Variants in TMEM132E observed in about 807,000 individuals in gnomAD.
The protein encoded by TMEM132E is transmembrane protein 132E.
A neutral mutation model predicts 78.5 loss-of-function variants in TMEM132E; 49 were observed. The ratio of observed to expected loss-of-function variants is 0.62; its 90% confidence interval spans 0.50 to 0.79. The LOEUF is 0.79. Among genes scored for constraint, TMEM132E ranks in the 30% least tolerant of loss-of-function variants. The pLI is 0.00. For synonymous variants in TMEM132E, 715 were observed against 670.6 expected (o/e 1.07, Z -1.02); for missense variants, 1,403 against 1,470.9 (o/e 0.95, Z 0.75).
chr17:34,597,469 C>T (rs1906099291), intron 1 of TMEM132E, among the ~76,000 whole-genome samples: 1 of 152,206 alleles, frequency 6.6e-6, no homozygotes, highest in Non-Finnish European at 1.5e-5. Flanking sequence ...TTCATTCATT[C>T]ATTCAATTCT....
intron 1 of TMEM132E, among the ~76,000 whole-genome samples, chr17:34,598,598 A>C (rs1203072169): frequency 2.0e-5 from 3 of 152,322 alleles, no homozygotes; most frequent in Non-Finnish European, 4.4e-5. Context: ...ATTGTTCCAG[A>C]TGAGATAAAG....
chr17:34,586,339 T>C (rs1905677968), intron 1 of TMEM132E, among the ~76,000 whole-genome samples: 2 of 152,184 alleles, frequency 1.3e-5, no homozygotes, highest in Non-Finnish European at 2.9e-5. Flanking sequence ...TTTTTCCTTC[T>C]CTGTCTTCTT....
At position 34,637,393 on chromosome 17, in the gene TMEM132E, A is replaced by G; in HGVS notation, c.2386A>G (p.Thr796Ala). The change falls in exon 9 of 9, where the codon ACC becomes GCC. Residue 796 changes from threonine (T) to alanine (A), a missense_variant. Transcript: ENST00000631683. Reference sequence around the variant, plus strand: ...AACCATCGCTGAGAGCTGCCAGAAAACCAAACGCAAGAGTGTGCTCGCCAC... The same window carrying G: ...AACCATCGCTGAGAGCTGCCAGAAAGCCAAACGCAAGAGTGTGCTCGCCAC... The part of the protein sequence containing the change: ...ELTIAESCQK[T>A]KRKSVLATTP... 1 of 1,613,854 alleles carries G rather than the reference A, an allele frequency of 6.2e-7. No homozygotes were observed. The highest frequency in any genetic ancestry group is 1.1e-5 in the South Asian group (1 of 91,084).
intron 1 of TMEM132E, among the ~76,000 whole-genome samples, chr17:34,613,205 A>ACGCGCG (rs1238614267): frequency 8.7e-5 from 9 of 103,596 alleles, no homozygotes; most frequent in Admixed American, 2.4e-4. Flanking sequence ...ACCCACACAC[A>ACGCGCG]CACACACGCG....
intron 1 of TMEM132E, among the ~76,000 whole-genome samples, chr17:34,597,884 C>T (rs1490328670): frequency 6.6e-6 from 1 of 152,174 alleles, no homozygotes. Context: ...GACCTCAATC[C>T]TAGCAGCTCA....
At chr17:34,615,763 G>A (rs1012943003) in intron 1 of TMEM132E, among the ~76,000 whole-genome samples, 3 of 151,938 alleles carry the variant, frequency 2.0e-5, no homozygotes, top group African/African-American at 7.3e-5. Context: ...ATAGGAGAGA[G>A]GGGAGTCGGT....
chr17:34,629,981 A>G, intron 4 of TMEM132E, 27 bp from the exon 5 acceptor site: 3 of 1,582,554 alleles, frequency 1.9e-6, no homozygotes, highest in Non-Finnish European at 2.6e-6. Flanking sequence ...GACCACAAGT[A>G]GAGCCCCCCC....
At chr17:34,586,820 G>A (rs1263181642) in intron 1 of TMEM132E, among the ~76,000 whole-genome samples, 1 of 151,852 alleles carries the variant, frequency 6.6e-6, no homozygotes, top group Non-Finnish European at 1.5e-5. Context: ...AAAAAAAAAG[G>A]GAAGTAGAAA....
intron 1 of TMEM132E, among the ~76,000 whole-genome samples, chr17:34,590,747 A>G (rs1905841512): frequency 6.6e-6 from 1 of 152,210 alleles, no homozygotes; most frequent in Non-Finnish European, 1.5e-5. Context: ...GGTGATCTTT[A>G]AAGACTTTGG....
chr17:34,615,590 TTCAC>T (rs967352424), intron 1 of TMEM132E, among the ~76,000 whole-genome samples: 5 of 150,322 alleles, frequency 3.3e-5, no homozygotes, highest in African/African-American at 1.2e-4. Flanking sequence ...CAGTCATTCC[TTCAC>T]TCACTCATTC....
At chr17:34,615,517 A>ATATGTGTG (rs1555563514) in intron 1 of TMEM132E, among the ~76,000 whole-genome samples, 1 of 140,770 alleles carries the variant, frequency 7.1e-6, no homozygotes, top group Non-Finnish European at 1.5e-5. Context: ...ACTGGCACAG[A>ATATGTGTG]TGTGTGTGTG....
chr17:34,632,816 T>C lies in TMEM132E; in HGVS notation c.1595T>C (p.Val532Ala). The C allele has an allele frequency of 6.2e-7, 1 of 1,614,168 alleles. No individual in the cohort carries two copies. Among genetic ancestry groups the C allele is most frequent in the Non-Finnish European group, 8.5e-7 (1 of 1,180,030 alleles). ...CTCAATGCTCCCCTGGAAATGACAG[T>C]CTGGGTCCCCAAGCTGCCCTTGCAC... ...DVLNAPLEMT[V>A]WVPKLPLHIE... is the part of the protein sequence containing the mutation. Residue 532 changes from valine to alanine, a missense_variant, in exon 6 of 9, where the codon GTC (valine) becomes GCC (alanine). Coordinates refer to ENST00000631683, the MANE Select transcript of TMEM132E (RefSeq NM_001304438.2).
intron 1 of TMEM132E, among the ~76,000 whole-genome samples, chr17:34,581,482 C>A (rs1169603196): frequency 6.6e-6 from 1 of 152,088 alleles, no homozygotes; most frequent in East Asian, 1.9e-4. Flanking sequence ...GTCCAGGCCG[C>A]CCCCCGCCCC....
At chr17:34,625,432 A>G (rs183113871) in intron 1 of TMEM132E, among the ~76,000 whole-genome samples, 1 of 152,304 alleles carries the variant, frequency 6.6e-6, no homozygotes, top group African/African-American at 2.4e-5. Context: ...CTTGGGTTCG[A>G]GAGTCAGGGG....
rs1481383746 is a variant in TMEM132E, at chr17:34,639,240, CACT to C, written c.*1009_*1011del. On this transcript the variant is annotated 3_prime_UTR_variant, in exon 9 of 9. Coordinates refer to ENST00000631683, the MANE Select transcript of TMEM132E (RefSeq NM_001304438.2). ...CATTTTTCTCTCGGGTTCTACCCAC[CACT>C]GTGTCGGATTTTTCTTAAATAAATG... is the stretch of plus-strand genomic sequence containing the variant. The C allele has an allele frequency of 6.6e-6, 1 of 152,614 alleles. No homozygotes were observed. Among genetic ancestry groups the C allele is most frequent in the Non-Finnish European group, 1.5e-5 (1 of 68,060 alleles). The allele number at this position is 152,614 out of a possible 1,614,324, so 9.5% of individuals were successfully genotyped here.
chr17:34,612,898 T>C (rs1188531000), intron 1 of TMEM132E, among the ~76,000 whole-genome samples: 1 of 152,048 alleles, frequency 6.6e-6, no homozygotes, highest in African/African-American at 2.4e-5. Context: ...GATGCAGTTT[T>C]CCCAGAGTTA....
intron 1 of TMEM132E, among the ~76,000 whole-genome samples, chr17:34,598,701 G>A (rs978853925): frequency 6.6e-6 from 1 of 152,230 alleles, no homozygotes; most frequent in African/African-American, 2.4e-5. Context: ...CCTCTCTGAT[G>A]TAATTGGAAC....
rs781327274 is a variant in TMEM132E, at chr17:34,637,655, G to T, written c.2648G>T (p.Gly883Val). 7 of 1,608,634 alleles carry T rather than the reference G, an allele frequency of 4.4e-6. No homozygotes were observed. The highest frequency in any genetic ancestry group is 5.9e-6 in the Non-Finnish European group (7 of 1,179,826). Reference protein sequence around the residue: ...LPTGFLQVPRGLTDLEIGMYA... With the variant: ...LPTGFLQVPRVLTDLEIGMYA... ...ACCGGCTTCCTGCAGGTGCCACGGG[G>T]TCTGACAGACCTGGAGATCGGCATG... Residue 883 changes from glycine (G) to valine (V), a missense_variant, in exon 9 of 9, where the codon GGT becomes GTT. Transcript: ENST00000631683.
chr17:34,615,517 ATGTGTGTG>A (rs3048841), intron 1 of TMEM132E, among the ~76,000 whole-genome samples: 1,778 of 140,872 alleles, frequency 0.013, 36 homozygotes, highest in African/African-American at 0.044. Flanking sequence ...ACTGGCACAG[ATGTGTGTG>A]TGTGTGTGTG....
Sources: allele counts gnomAD v4.1 joint callset (sites outside exome capture counted in the v4.1 genomes callset), GRCh38; gene constraint gnomAD v4.1.1; transcripts MANE v1.5; gene names NCBI Gene and HGNC (gene_info 2026-07-23, HGNC 2026-07-21).